Variants in KLF7 observed in about 807,000 individuals in gnomAD.
KLF7 encodes KLF transcription factor 7.
In KLF7, 2 loss-of-function variants were observed where a neutral mutation model predicts 27.3. That is an observed-to-expected ratio of 0.07 (90% CI 0.03 to 0.23). KLF7 has a LOEUF of 0.23. KLF7 is among the 10% of genes least tolerant of loss of function. KLF7 has a pLI of 1.00. For missense variants in KLF7, 221 were observed against 394.1 expected (o/e 0.56, Z 3.72); for synonymous variants, 165 against 162.4 (o/e 1.02, Z -0.12).
rs1220368338 is a variant in KLF7, at chr2:207,074,475, CCT to C, written c.*6736_*6737del. 6.6e-6 allele frequency: 1 copy of C among 152,084 alleles called. No individual in the cohort carries two copies. The highest frequency in any genetic ancestry group is 2.4e-5 in the African/African-American group (1 of 41,376). The allele number at this position is 152,084 out of a possible 1,614,324, so 9.4% of individuals were successfully genotyped here. A position where few individuals can be genotyped will look rare whatever the true frequency, so the allele number is the denominator to read the frequency against. On this transcript the variant is annotated 3_prime_UTR_variant, in exon 4 of 4. Transcript: ENST00000309446. The stretch of plus-strand genomic sequence containing the variant: ...GAATTTTCCCTGGGGCTTTCATCTC[CCT>C]CTCTTCTCTGGGTCTGAAGCTGCTT...
At chr2:207,084,611 C>CAG (rs1362147820) in intron 3 of KLF7, among the ~76,000 whole-genome samples, 1 of 152,104 alleles carries the variant, frequency 6.6e-6, no homozygotes, top group African/African-American at 2.4e-5. Context: ...TTCAATACCC[C>CAG]AGCAAGGTAC....
At chr2:207,093,646 T>C in intron 2 of KLF7, among the ~76,000 whole-genome samples, 1 of 152,248 alleles carries the variant, frequency 6.6e-6, no homozygotes, top group East Asian at 1.9e-4. Flanking sequence ...ATAAGCTTCA[T>C]GCAGACATCC....
At chr2:207,124,548 T>C in intron 1 of KLF7, 144 bp from the exon 2 acceptor site, 1 of 729,924 alleles carries the variant, frequency 1.4e-6, no homozygotes, top group South Asian at 2.1e-5. Flanking sequence ...AGGTCTGACC[T>C]TGTTATTTAT....
intron 1 of KLF7, among the ~76,000 whole-genome samples, chr2:207,147,932 T>C (rs2078142152): frequency 6.6e-6 from 1 of 152,190 alleles, no homozygotes; most frequent in Admixed American, 6.5e-5. Context: ...TGTTTTCCAA[T>C]AAAGCTAACT....
intron 1 of KLF7, among the ~76,000 whole-genome samples, chr2:207,143,704 T>A (rs1046833671): frequency 6.6e-6 from 1 of 152,216 alleles, no homozygotes; most frequent in Non-Finnish European, 1.5e-5. Context: ...CTTCTGTGGC[T>A]ACTACTCAGA....
At chr2:207,166,874 A>G (rs907208473), upstream of KLF7, 2 of 1,073,586 alleles carry the variant, frequency 1.9e-6, no homozygotes, top group Non-Finnish European at 1.1e-6. Context: ...AACAAAGGGG[A>G]GCGGAGCGAG....
At chr2:207,131,941 G>T (rs2077647369) in intron 1 of KLF7, among the ~76,000 whole-genome samples, 1 of 152,162 alleles carries the variant, frequency 6.6e-6, no homozygotes, top group East Asian at 1.9e-4. Context: ...TAGGCTTGAG[G>T]AAGAAGACGG....
intron 1 of KLF7, among the ~76,000 whole-genome samples, chr2:207,128,147 C>T (rs968729407): frequency 6.6e-5 from 10 of 151,988 alleles, no homozygotes; most frequent in African/African-American, 2.2e-4. Flanking sequence ...AAAGTTGAGC[C>T]TAGAATATCA....
At chr2:207,153,969 C>T (rs1212508904) in intron 1 of KLF7, among the ~76,000 whole-genome samples, 1 of 152,140 alleles carries the variant, frequency 6.6e-6, no homozygotes, top group East Asian at 1.9e-4. Flanking sequence ...AAGATATAAT[C>T]TTTTGAGTTT....
intron 1 of KLF7, 143 bp downstream of exon 1, chr2:207,165,324 A>G: frequency 1.6e-6 from 2 of 1,230,468 alleles, no homozygotes; most frequent in Admixed American, 4.6e-5. Context: ...GTTTCAGAAA[A>G]CATTTTCAAC....
At chr2:207,147,978 C>T (rs2078143209) in intron 1 of KLF7, among the ~76,000 whole-genome samples, 1 of 151,434 alleles carries the variant, frequency 6.6e-6, no homozygotes, top group African/African-American at 2.5e-5. Context: ...TGATCTGAAG[C>T]ATTTTTTTTT....
At chr2:207,137,191 G>C (rs369222081) in intron 1 of KLF7, among the ~76,000 whole-genome samples, 3 of 152,074 alleles carry the variant, frequency 2.0e-5, no homozygotes, top group African/African-American at 7.2e-5. Context: ...CTAACAGGAT[G>C]TCCCTGAGAA....
intron 1 of KLF7, among the ~76,000 whole-genome samples, chr2:207,164,320 C>T (rs960396938): frequency 3.9e-5 from 6 of 152,198 alleles, no homozygotes; most frequent in Admixed American, 6.5e-5. Flanking sequence ...CCTCTCACAG[C>T]CCTCCCCCCA....
At chr2:207,094,962 T>C (rs2076591794) in intron 2 of KLF7, among the ~76,000 whole-genome samples, 2 of 152,068 alleles carry the variant, frequency 1.3e-5, no homozygotes, top group South Asian at 2.1e-4. Context: ...GAGGTCCAAG[T>C]ACCTGAGTTT....
At chr2:207,172,523 C>T in the KLF7 span, among the ~76,000 whole-genome samples, 1 of 152,090 alleles carries the variant, frequency 6.6e-6, no homozygotes, top group African/African-American at 2.4e-5. Context: ...AGCCATAAAC[C>T]TTGTGATAAG....
At chr2:207,095,464 A>G (rs935628882) in intron 2 of KLF7, among the ~76,000 whole-genome samples, 2 of 152,202 alleles carry the variant, frequency 1.3e-5, no homozygotes, top group Admixed American at 6.5e-5. Context: ...CCATATCCTC[A>G]ATGAGGTACA....
intron 2 of KLF7, among the ~76,000 whole-genome samples, chr2:207,096,368 G>A (rs1029094233): frequency 2.6e-5 from 4 of 152,166 alleles, no homozygotes; most frequent in African/African-American, 9.7e-5. Context: ...TTGCTGCATC[G>A]CATCAGGATC....
intron 1 of KLF7, among the ~76,000 whole-genome samples, chr2:207,126,907 A>G (rs1158466062): frequency 1.3e-5 from 2 of 151,464 alleles, no homozygotes; most frequent in Non-Finnish European, 1.5e-5. Flanking sequence ...CTCAATCATC[A>G]CTGCCTGTGA....
chr2:207,163,462 A>G (rs1381741913), intron 1 of KLF7, among the ~76,000 whole-genome samples: 1 of 152,232 alleles, frequency 6.6e-6, no homozygotes, highest in Non-Finnish European at 1.5e-5. Flanking sequence ...CTTAGGAAAC[A>G]ATAGATCTAA....
Sources: gnomAD v4.1 joint callset for allele counts (sites outside exome capture counted in the v4.1 genomes callset) on GRCh38, gnomAD v4.1.1 for gene constraint, MANE v1.5 for transcripts, NCBI Gene and HGNC (gene_info 2026-07-23, HGNC 2026-07-21) for gene names.